ZNF106: variants seen among roughly 807,000 people sequenced by gnomAD.
ZNF106 encodes the protein SH3-domain binding protein 3.
In ZNF106, 67 loss-of-function variants were observed where a neutral mutation model predicts 195.1. The ratio of observed to expected loss-of-function variants is 0.34; its 90% CI spans 0.28 to 0.42. The LOEUF (loss-of-function observed/expected upper bound fraction) is 0.42, where lower values mean the gene tolerates loss of function less well. ZNF106 is among the 10% of genes least tolerant of loss of function. ZNF106 has a pLI of 1.00. For synonymous variants in ZNF106, 784 were observed against 818.6 expected, an observed-to-expected ratio of 0.96 and a Z score of 0.72; for missense variants, 2,118 against 2,304.5, an observed-to-expected ratio of 0.92 and a Z score of 1.66.
At chr15:42,432,503 C>CT (rs2055086638) in intron 14 of ZNF106, among the ~76,000 whole-genome samples, 1 of 152,138 alleles carries the variant, frequency 6.6e-6, no homozygotes, top group Non-Finnish European at 1.5e-5. Context: ...CACTCCAGCT[C>CT]TGTTACTATT....
chr15:42,413,307 C>G lies in ZNF106; in HGVS notation c.*3997G>C, dbSNP rs2054331305. On this transcript the variant is annotated 3_prime_UTR_variant, in exon 22 of 22. Coordinates refer to ENST00000564754, the MANE Select transcript of ZNF106 (RefSeq NM_001366845.3). The stretch of plus-strand genomic sequence containing the variant: ...CCTCCACCACAACTTCTATTCCTGT[C>G]TATTAGACCACTTCTCTTAAACCCG... 1 of 152,146 alleles carries G rather than the reference C, an allele frequency of 6.6e-6. No homozygotes were observed. The highest frequency in any genetic ancestry group is 2.4e-5 in the African/African-American group (1 of 41,400). The allele number at this position is 152,146 out of a possible 1,614,324, so 9.4% of individuals were successfully genotyped here. A position where few individuals can be genotyped will look rare whatever the true frequency, so the allele number is the denominator to read the frequency against.
chr15:42,482,613 C>A (rs2056928402), intron 1 of ZNF106, among the ~76,000 whole-genome samples: 1 of 145,164 alleles, frequency 6.9e-6, no homozygotes, highest in Non-Finnish European at 1.5e-5. Flanking sequence ...ACTGCAAGCT[C>A]CTCCTCCCGG....
At chr15:42,436,414 C>T (rs1007203455) in intron 13 of ZNF106, among the ~76,000 whole-genome samples, 2 of 152,232 alleles carry the variant, frequency 1.3e-5, no homozygotes, top group East Asian at 3.9e-4. Flanking sequence ...TTTTTTCAGT[C>T]ATTCGTGTTA....
chr15:42,420,937 T>G, intron 20 of ZNF106, 124 bp downstream of exon 20: 1 of 843,882 alleles, frequency 1.2e-6, no homozygotes, highest in Admixed American at 1.9e-5. Flanking sequence ...TGATCTACAG[T>G]GTAAGGCATA....
chr15:42,489,629 A>T (rs1278509753), intron 1 of ZNF106, among the ~76,000 whole-genome samples: 1 of 152,210 alleles, frequency 6.6e-6, no homozygotes, highest in Non-Finnish European at 1.5e-5. Context: ...GTTGCATCTG[A>T]AAATTGTCTT....
intron 3 of ZNF106, among the ~76,000 whole-genome samples, chr15:42,463,243 G>C (rs1251225090): frequency 6.6e-6 from 1 of 152,136 alleles, no homozygotes; most frequent in Non-Finnish European, 1.5e-5. Context: ...CATATGGGTA[G>C]GGTGGCAGGT....
In ZNF106 at chr15:42,417,915, G is replaced by T; in HGVS notation, c.5554C>A (p.His1852Asn). ...TCGGTCAGCAAGTGTTGTTTTAAAT[G>T]ATCTACAACGCCAAATATCAGAGAG... is the stretch of plus-strand genomic sequence containing the variant. Reference protein sequence around the residue: ...GCSLIFGVVDHLKQHLLTDHT... With the variant: ...GCSLIFGVVDNLKQHLLTDHT... Residue 1852 changes from histidine (H) to asparagine (N), a missense_variant, in exon 21 of 22, where the codon CAT becomes AAT. His to Asn is a moderately conservative substitution (Grantham distance 68). Coordinates refer to ENST00000564754, the MANE Select transcript of ZNF106 (RefSeq NM_001366845.3). The T allele has an allele frequency of 6.2e-7, 1 of 1,613,930 alleles. No individual in the cohort carries two copies. Among genetic ancestry groups the T allele is most frequent in the Admixed American group, 1.7e-5 (1 of 59,974 alleles).
Position 42,437,300 on chromosome 15 carries a change from T to C in ZNF106, c.4678A>G (p.Ile1560Val), listed in dbSNP as rs1450061719. Residue 1560 changes from isoleucine (I) to valine (V), a missense_variant, in exon 13 of 22, where the codon ATT becomes GTT. Ile to Val is a conservative substitution (Grantham distance 29). Transcript: ENST00000564754. ...FEGHQAAVNA[I>V]QIFGNLLYTC... ...TATAGCAAGTTCCCAAATATCTGAA[T>C]TGCATTTACGGCAGCTTGGTGTCCC... The C allele has an allele frequency of 1.2e-6, 2 of 1,614,054 alleles. No homozygotes were observed. The highest frequency in any genetic ancestry group is 1.3e-5 in the African/African-American group (1 of 74,936).
rs200292967 is a variant in ZNF106, at chr15:42,435,515, G to A, written c.4750C>T (p.Arg1584Trp). The A allele has an allele frequency of 3.4e-5, 55 of 1,613,986 alleles. No individual in the cohort carries two copies. Among genetic ancestry groups the A allele is most frequent in the Non-Finnish European group, 2.7e-5 (32 of 1,180,022 alleles). The change falls in exon 14 of 22, where the codon CGG becomes TGG. Residue 1584 changes from arginine to tryptophan, a missense_variant. Coordinates refer to ENST00000564754, the MANE Select transcript of ZNF106 (RefSeq NM_001366845.3). ...KTVRVYNLVS[R>W]KCIGVFEGHT... is the part of the protein sequence containing the mutation. ...CCCTCAAAGACACCAATACATTTCC[G>A]ACTCTAAAGTTTAAGCACAGACCAG...
At chr15:42,447,575 G>A (rs540015669) in intron 6 of ZNF106, among the ~76,000 whole-genome samples, 6 of 152,224 alleles carry the variant, frequency 3.9e-5, no homozygotes, top group African/African-American at 1.2e-4. Context: ...GTAACTGAAG[G>A]ACGAAGGACA....
At chr15:42,456,231 T>C (rs1038023678) in intron 4 of ZNF106, among the ~76,000 whole-genome samples, 30 of 152,216 alleles carry the variant, frequency 2.0e-4, no homozygotes, top group African/African-American at 7.0e-4. Context: ...TACTATAGAC[T>C]ACACTGTTAT....
intron 2 of ZNF106, among the ~76,000 whole-genome samples, chr15:42,470,325 C>T (rs550712715): frequency 6.6e-6 from 1 of 152,224 alleles, no homozygotes; most frequent in Admixed American, 6.5e-5. Flanking sequence ...AAATTGGAGA[C>T]AAGCATGGCT....
At chr15:42,419,882 G>A (rs62022302) in intron 20 of ZNF106, among the ~76,000 whole-genome samples, 16,592 of 152,068 alleles carry the variant, frequency 0.11, 999 homozygotes, top group Non-Finnish European at 0.13. Flanking sequence ...CCAGGGAGTC[G>A]GAGGTTGCAG....
At chr15:42,476,573 T>C (rs1278528919) in intron 1 of ZNF106, among the ~76,000 whole-genome samples, 2 of 152,170 alleles carry the variant, frequency 1.3e-5, no homozygotes, top group Admixed American at 1.3e-4. Flanking sequence ...AGTGCTGGGA[T>C]TACAGGTGTG....
At chr15:42,466,518 G>C (rs1384269308) in intron 2 of ZNF106, among the ~76,000 whole-genome samples, 2 of 151,998 alleles carry the variant, frequency 1.3e-5, no homozygotes, top group South Asian at 4.1e-4. Flanking sequence ...TTTCTCAAGA[G>C]TAAGCTACAA....
At position 42,450,539 on chromosome 15, in the gene ZNF106, G is replaced by C. The variant is rs746516942; in HGVS notation, c.1733C>G (p.Thr578Ser). The C allele has an allele frequency of 1.2e-5, 19 of 1,614,104 alleles. No homozygotes were observed. The South Asian group carries it at 2.1e-4, about 18-fold the overall frequency. The stretch of plus-strand genomic sequence containing the variant: ...TGCATAGTTCCTGGTACTTTTAGAA[G>C]TGCTAAGAAGTGGATTTTGCAATGA... ...HESLQNPLLS[T>S]SKSTRNYAKA... Residue 578 changes from threonine (T) to serine (S), a missense_variant, in exon 5 of 22, where the codon ACT becomes AGT. Physicochemically the swap from Thr to Ser is moderately conservative, Grantham distance 58 (BLOSUM62 1). Coordinates refer to ENST00000564754, the MANE Select transcript of ZNF106 (RefSeq NM_001366845.3).
At chr15:42,462,796 G>T (rs2056424218) in intron 3 of ZNF106, among the ~76,000 whole-genome samples, 1 of 151,972 alleles carries the variant, frequency 6.6e-6, no homozygotes, top group Non-Finnish European at 1.5e-5. Context: ...ACCAAACTTG[G>T]TTTTGTTTTG....
Position 42,472,341 on chromosome 15 carries a change from T to C in ZNF106, c.-32-20A>G, listed in dbSNP as rs927360194. ...TCACAGCTGCAATGAGGAAGTAACA[T>C]TTAGTAACCTTTTCTCCTCAGTACC... On this transcript the variant is annotated intron_variant, in intron 1 of 21. Coordinates refer to ENST00000564754, the MANE Select transcript of ZNF106 (RefSeq NM_001366845.3). 9 of 1,509,034 alleles carry C rather than the reference T, an allele frequency of 6.0e-6. No individual in the cohort carries two copies. Among genetic ancestry groups the C allele is most frequent in the Non-Finnish European group, 3.5e-6 (4 of 1,126,846 alleles). The allele number at this position is 1,509,034 out of a possible 1,614,324, so 93.5% of individuals were successfully genotyped here.
At chr15:42,483,155 G>A (rs571912170) in intron 1 of ZNF106, among the ~76,000 whole-genome samples, 31 of 150,528 alleles carry the variant, frequency 2.1e-4, no homozygotes, top group Admixed American at 7.9e-4. Flanking sequence ...TTAACTCCCC[G>A]CTAGAATCTG....
Sources: gnomAD v4.1 joint callset for allele counts (sites outside exome capture counted in the v4.1 genomes callset) on GRCh38, gnomAD v4.1.1 for gene constraint, MANE v1.5 for transcripts, NCBI Gene and HGNC (gene_info 2026-07-23, HGNC 2026-07-21) for gene names.